Variants in SPTB observed in about 807,000 individuals in gnomAD.
SPTB encodes spectrin beta chain, erythrocytic.
SPTB carries 45 observed loss-of-function variants against 256.2 expected under a neutral mutation model. The ratio of observed to expected loss-of-function variants is 0.18; its 90% confidence interval spans 0.14 to 0.23. SPTB has a LOEUF of 0.23. Ranked by LOEUF, SPTB falls within the 10% of genes least tolerant of loss-of-function variation. SPTB has a pLI of 1.00. For synonymous variants in SPTB, 1,231 were observed against 1,243.1 expected (o/e 0.99, Z 0.21); for missense variants, 2,715 against 3,040.4 (o/e 0.89, Z 2.52).
chr14:64,758,744 G>A lies in SPTB; in HGVS notation c.6346-4951C>T, dbSNP rs1202767254. Reference sequence around the variant, plus strand: ...TGCACAAACAGCAGAGAGCAAGCTGGAGGGATGGCCAGATGCTGCTGGCAG... The same window carrying A: ...TGCACAAACAGCAGAGAGCAAGCTGAAGGGATGGCCAGATGCTGCTGGCAG... On this transcript the variant is annotated intron_variant, in intron 32 of 35. Transcript: ENST00000644917. The surrounding 1 kb of genome is among the most constrained non-coding windows in gnomAD (Gnocchi z 4.6). 1.3e-5 allele frequency among the ~76,000 whole-genome samples: 2 copies of A among 152,256 alleles called. No individual in the cohort carries two copies. The highest frequency in any genetic ancestry group is 6.5e-5 in the Admixed American group (1 of 15,288).
chr14:64,843,637 G>A (rs548697590), intron 1 of SPTB, among the ~76,000 whole-genome samples: 11 of 152,342 alleles, frequency 7.2e-5, no homozygotes, highest in South Asian at 4.1e-4. Context: ...ACAGGCTTTA[G>A]TCTTGCTCTG....
At position 64,779,859 on chromosome 14, in the gene SPTB, C is replaced by T; in HGVS notation, c.4339G>A (p.Glu1447Lys). 1.2e-6 allele frequency: 2 copies of T among 1,614,214 alleles called. No individual in the cohort carries two copies. Among genetic ancestry groups the T allele is most frequent in the Non-Finnish European group, 1.7e-6 (2 of 1,180,030 alleles). ...CTCAAGTCTGCATCTCCTCCCTCCTCTCCCATTGAAGGCACCTGGGCAAAC... is the reference window on the plus strand; with the variant it reads ...CTCAAGTCTGCATCTCCTCCCTCCTTTCCCATTGAAGGCACCTGGGCAAAC... The part of the protein sequence containing the change: ...ELFAQVPSMG[E>K]EGGDADLSIE... Residue 1447 changes from glutamate to lysine, a missense_variant, in exon 21 of 36, where the codon GAG becomes AAG. Glu to Lys is a moderately conservative substitution (Grantham distance 56). Transcript: ENST00000644917. The surrounding 1 kb of genome is among the most constrained non-coding windows in gnomAD (Gnocchi z 4.2).
chr14:64,749,368 CG>C lies in SPTB; in HGVS notation c.6924del (p.Asp2309ThrfsTer116), dbSNP rs916752152. On this transcript the variant is annotated frameshift_variant, in exon 36 of 36. Coordinates refer to ENST00000644917, the MANE Select transcript of SPTB (RefSeq NM_001355436.2). LOFTEE classifies it high-confidence loss of function. The surrounding 1 kb of genome is among the most constrained non-coding windows in gnomAD (Gnocchi z 4.7). ...TTGTCTTTCTTGCCGAGGCTGGCGT[CG>C]GGGCCGGAGAGGGAAGGCAGGGGCA... ...QSLPLPSLSG[P>X]DASLGKKDKE... is the part of the protein sequence containing the mutation. 2 of 1,610,458 alleles carry C rather than the reference CG, an allele frequency of 1.2e-6. No homozygotes were observed. Among genetic ancestry groups the C allele is most frequent in the Non-Finnish European group, 8.5e-7 (1 of 1,179,704 alleles).
intron 1 of SPTB, among the ~76,000 whole-genome samples, chr14:64,833,617 G>A (rs2083480661): frequency 1.3e-5 from 2 of 151,934 alleles, no homozygotes; most frequent in African/African-American, 4.8e-5. Context: ...TGGAGGTGGG[G>A]TGTTTCTTTT....
chr14:64,767,591 G>C (rs1292949225), intron 30 of SPTB, 72 bp downstream of exon 30: 2 of 1,576,872 alleles, frequency 1.3e-6, no homozygotes, highest in East Asian at 4.5e-5. Context: ...AACTGGCCTG[G>C]AGTCCTTACA....
In SPTB at chr14:64,787,195, C is replaced by T. The variant is rs377117869; in HGVS notation, c.2805-35G>A. ...GGGGACACAGCCCGGAGGAGAGAGA[C>T]ACCTTCTCCCTTAGCTCTTCTTCCC... On this transcript the variant is annotated intron_variant, in intron 15 of 35. Coordinates refer to ENST00000644917, the MANE Select transcript of SPTB (RefSeq NM_001355436.2). The T allele has an allele frequency of 5.6e-6, 9 of 1,599,584 alleles. No individual in the cohort carries two copies. In the African/African-American group the frequency reaches 1.1e-4, roughly 19 times the overall value.
At chr14:64,831,894 T>G (rs967893121) in intron 1 of SPTB, among the ~76,000 whole-genome samples, 1 of 152,130 alleles carries the variant, frequency 6.6e-6, no homozygotes, top group Non-Finnish European at 1.5e-5. Flanking sequence ...AAAAAATATA[T>G]GCATGTAAGC....
At chr14:64,794,441 A>C (rs1360520493) in intron 13 of SPTB, 26 bp downstream of exon 13, 2 of 1,613,898 alleles carry the variant, frequency 1.2e-6, no homozygotes, top group Non-Finnish European at 1.7e-6. Flanking sequence ...TGGAAGCCTC[A>C]AAAGGGGAGA....
At position 64,749,713 on chromosome 14, in the gene SPTB, T is replaced by C. The variant is rs1384230730; in HGVS notation, c.6777-17A>G. On this transcript the variant is annotated splice_polypyrimidine_tract_variant and intron_variant, in intron 34 of 35. Coordinates refer to ENST00000644917, the MANE Select transcript of SPTB (RefSeq NM_001355436.2). The surrounding 1 kb of genome is among the most constrained non-coding windows in gnomAD (Gnocchi z 4.7). ...TTACTCAGCCTAGGAGGACAAAGGGTTTCCTGTCATGGAGACACCTCTGGA... is the reference window on the plus strand; with the variant it reads ...TTACTCAGCCTAGGAGGACAAAGGGCTTCCTGTCATGGAGACACCTCTGGA... The C allele has an allele frequency of 6.2e-6, 10 of 1,612,928 alleles. No individual in the cohort carries two copies. Among genetic ancestry groups the C allele is most frequent in the African/African-American group, 1.3e-5 (1 of 74,848 alleles).
chr14:64,814,237 A>G (rs2083145163), intron 2 of SPTB, among the ~76,000 whole-genome samples: 1 of 152,230 alleles, frequency 6.6e-6, no homozygotes, highest in Non-Finnish European at 1.5e-5. Context: ...ATTCAAAGGG[A>G]GACAATATAG....
chr14:64,843,957 T>C (rs2083648362), intron 1 of SPTB, among the ~76,000 whole-genome samples: 1 of 152,228 alleles, frequency 6.6e-6, no homozygotes, highest in South Asian at 2.1e-4. Context: ...CACAGGACCA[T>C]TGTTAATTTG....
Position 64,802,719 on chromosome 14 carries a change from G to A in SPTB, c.475-402C>T, listed in dbSNP as rs1488526826. Among the ~76,000 whole-genome samples the A allele has an allele frequency of 6.6e-6, 1 of 152,138 alleles. No individual in the cohort carries two copies. Among genetic ancestry groups the A allele is most frequent in the African/African-American group, 2.4e-5 (1 of 41,424 alleles). ...AATTTCTTGCCCTCAAGGAGTAGCCGCCAGCCCCGCAGCAACACCACATCC... is the reference window on the plus strand; with the variant it reads ...AATTTCTTGCCCTCAAGGAGTAGCCACCAGCCCCGCAGCAACACCACATCC... On this transcript the variant is annotated intron_variant, in intron 4 of 35. Transcript: ENST00000644917. This position sits in a 1 kb window ranked among gnomAD's most constrained non-coding sequence, Gnocchi z 5.1.
At chr14:64,867,104 A>G (rs1882229508) in intron 1 of SPTB, among the ~76,000 whole-genome samples, 1 of 152,184 alleles carries the variant, frequency 6.6e-6, no homozygotes, top group African/African-American at 2.4e-5. Flanking sequence ...CCTCCGATAA[A>G]TGGGAAACGG....
chr14:64,850,399 A>G (rs1478879789), intron 1 of SPTB, among the ~76,000 whole-genome samples: 1 of 152,226 alleles, frequency 6.6e-6, no homozygotes, highest in Non-Finnish European at 1.5e-5. Context: ...ACTGTAGTTG[A>G]TTCAACCTCA....
In SPTB at chr14:64,786,754, C is replaced by T. The variant is rs2082577770; in HGVS notation, c.3211G>A (p.Asp1071Asn). ...ATGGAGAGCCAGGCCTGGAAGTCAT[C>T]CAGATCCTGCAGGAAGGCCTGCAGC... Reference protein sequence around the residue: ...SQLQAFLQDLDDFQAWLSITQ... With the variant: ...SQLQAFLQDLNDFQAWLSITQ... The change falls in exon 16 of 36, where the codon GAT becomes AAT. Residue 1071 changes from aspartate (D) to asparagine (N), a missense_variant. Physicochemically the swap from Asp to Asn is conservative, Grantham distance 23. Coordinates refer to ENST00000644917, the MANE Select transcript of SPTB (RefSeq NM_001355436.2). This position sits in a 1 kb window ranked among gnomAD's most constrained non-coding sequence, Gnocchi z 5.6. 6.2e-7 allele frequency: 1 copy of T among 1,614,000 alleles called. No homozygotes were observed. Among genetic ancestry groups the T allele is most frequent in the African/African-American group, 1.3e-5 (1 of 74,926 alleles).
In SPTB at chr14:64,802,646, T is replaced by C. The variant is rs1566773495; in HGVS notation, c.475-329A>G. On this transcript the variant is annotated intron_variant, in intron 4 of 35. Transcript: ENST00000644917. This position sits in a 1 kb window ranked among gnomAD's most constrained non-coding sequence, Gnocchi z 5.1. ...TGTACAAACATTGATTCTGTTCCTATTATGTGGCAGCGCTGTGCTAGGCCT... is the reference window on the plus strand; with the variant it reads ...TGTACAAACATTGATTCTGTTCCTACTATGTGGCAGCGCTGTGCTAGGCCT... Among the ~76,000 whole-genome samples, 1 of 152,120 alleles carries C rather than the reference T, an allele frequency of 6.6e-6. No homozygotes were observed.
chr14:64,771,280 G>A lies in SPTB; in HGVS notation c.5554-151C>T, dbSNP rs1193077245. 2.4e-6 allele frequency: 3 copies of A among 1,234,170 alleles called. No homozygotes were observed. The South Asian group carries it at 3.7e-5, about 15-fold the overall frequency. The allele number at this position is 1,234,170 out of a possible 1,614,324, so 76.5% of individuals were successfully genotyped here. On this transcript the variant is annotated intron_variant, in intron 26 of 35. Coordinates refer to ENST00000644917, the MANE Select transcript of SPTB (RefSeq NM_001355436.2). The stretch of plus-strand genomic sequence containing the variant: ...CTTCAGCCTCCACCCAGTGGGTGCT[G>A]TAGGAGAAGACTCCTTGCTTTAACA...
rs964382399 is a variant in SPTB at position 64,751,050 on chromosome 14, T to A, written c.6603-896A>T. Among the ~76,000 whole-genome samples the A allele has an allele frequency of 4.6e-4, 67 of 144,260 alleles. 1 individual carries two copies. The highest frequency in any genetic ancestry group is 4.6e-3 in the Admixed American group (66 of 14,286). The allele number at this position is 144,260 out of a possible 152,430, so 94.6% of individuals were successfully genotyped here. On this transcript the variant is annotated intron_variant, in intron 33 of 35. Coordinates refer to ENST00000644917, the MANE Select transcript of SPTB (RefSeq NM_001355436.2). Reference sequence around the variant, plus strand: ...ATATTATATATGTAGCAATTATATATTATATAATATATAACATTTATAGTA... The same window carrying A: ...ATATTATATATGTAGCAATTATATAATATATAATATATAACATTTATAGTA...
At chr14:64,815,915 C>T (rs958527009) in intron 2 of SPTB, among the ~76,000 whole-genome samples, 3 of 152,146 alleles carry the variant, frequency 2.0e-5, no homozygotes, top group Non-Finnish European at 4.4e-5. Context: ...TGATCGAGGT[C>T]CCCTAACGAT....
Sources: allele counts gnomAD v4.1 joint callset (sites outside exome capture counted in the v4.1 genomes callset), GRCh38; gene constraint gnomAD v4.1.1; non-coding constraint Gnocchi (gnomAD v3.1); transcripts MANE v1.5; gene names NCBI Gene and HGNC (gene_info 2026-07-23, HGNC 2026-07-21).